ARL15: variants seen among roughly 807,000 people sequenced by gnomAD.
The protein encoded by ARL15 is ARF like GTPase 15, also known as ADP-ribosylation factor-like protein 15.
Under a neutral mutation model 25.2 loss-of-function variants are expected in ARL15, and 19 were observed. That is an observed-to-expected ratio of 0.75 (90% CI 0.53 to 1.10). The LOEUF is 1.10. ARL15 is among the 50% of genes least tolerant of loss of function. ARL15 has a pLI of 0.00. For synonymous variants in ARL15, 94 were observed against 86.8 expected (o/e 1.08, Z -0.46); for missense variants, 220 against 246.0 (o/e 0.89, Z 0.71).
chr5:53,946,455 G>GAAAAAAAAAAAAAAAAAAAAAAA (rs55727717), intron 4 of ARL15, among the ~76,000 whole-genome samples: 1 of 43,940 alleles, frequency 2.3e-5, no homozygotes, highest in Non-Finnish European at 4.0e-5. Flanking sequence ...GTCTCAAGAG[G>GAAAAAAAAAAAAAAAAAAAAAAA]AAAAAAAAAA....
chr5:54,260,105 G>A (rs1757464291), intron 1 of ARL15, among the ~76,000 whole-genome samples: 1 of 152,138 alleles, frequency 6.6e-6, no homozygotes, highest in African/African-American at 2.4e-5. Flanking sequence ...ATTTATTAAA[G>A]CACGTTAATG....
intron 4 of ARL15, among the ~76,000 whole-genome samples, chr5:54,060,788 T>C (rs1453648419): frequency 6.6e-6 from 1 of 152,202 alleles, no homozygotes; most frequent in Admixed American, 6.5e-5. Flanking sequence ...CCTAGAGATT[T>C]GTGGAACTTT....
At position 54,230,496 on chromosome 5, in the gene ARL15, T is replaced by C. The variant is rs150719553; in HGVS notation, c.49-58568A>G. Among the ~76,000 whole-genome samples, 535 of 152,218 alleles carry C rather than the reference T, an allele frequency of 3.5e-3. 2 individuals carry two copies. The highest frequency in any genetic ancestry group is 0.013 in the Admixed American group (205 of 15,290). On this transcript the variant is annotated intron_variant, in intron 1 of 4. Transcript: ENST00000504924. ...AAAGACATGCACCCAGATGCCTCAA[T>C]ACGGTCTCCTCAAATGCCATGGGAC...
At chr5:54,088,033 A>G (rs1752027862) in intron 4 of ARL15, among the ~76,000 whole-genome samples, 1 of 152,178 alleles carries the variant, frequency 6.6e-6, no homozygotes, top group Middle Eastern at 3.2e-3. Flanking sequence ...TAGCTGATTG[A>G]TTGTACAGTT....
chr5:54,240,950 A>G (rs1173933561), intron 1 of ARL15, among the ~76,000 whole-genome samples: 2 of 152,240 alleles, frequency 1.3e-5, no homozygotes, highest in Non-Finnish European at 2.9e-5. Flanking sequence ...CACGCATTTC[A>G]GATAAAAAGT....
chr5:54,199,463 C>G (rs1344458355), intron 1 of ARL15, among the ~76,000 whole-genome samples: 1 of 151,814 alleles, frequency 6.6e-6, no homozygotes, highest in Non-Finnish European at 1.5e-5. Flanking sequence ...AAAAAACAAC[C>G]CTATCAAAAA....
chr5:54,003,376 C>A (rs1042595492), intron 4 of ARL15, among the ~76,000 whole-genome samples: 1 of 152,234 alleles, frequency 6.6e-6, no homozygotes, highest in Non-Finnish European at 1.5e-5. Context: ...CAATCCCCTA[C>A]ATCCTCAAAC....
intron 4 of ARL15, among the ~76,000 whole-genome samples, chr5:54,075,073 G>GAAAAAAAAAAAAAAAAA (rs3836818): frequency 1.3e-4 from 8 of 63,910 alleles, no homozygotes; most frequent in African/African-American, 2.6e-4. Context: ...CAGAATACAG[G>GAAAAAAAAAAAAAAAAA]AAAAAAAAAA....
intron 3 of ARL15, among the ~76,000 whole-genome samples, chr5:54,132,980 C>T (rs1030347588): frequency 2.6e-5 from 4 of 152,028 alleles, no homozygotes; most frequent in African/African-American, 9.7e-5. Context: ...ATGAAAGATC[C>T]AATAACAAAG....
At chr5:54,245,445 T>C (rs1757063681) in intron 1 of ARL15, among the ~76,000 whole-genome samples, 1 of 152,184 alleles carries the variant, frequency 6.6e-6, no homozygotes, top group Non-Finnish European at 1.5e-5. Context: ...ATCTGATGTA[T>C]TAACAAAAGA....
At chr5:54,091,842 C>T (rs562209738) in intron 4 of ARL15, among the ~76,000 whole-genome samples, 2 of 152,092 alleles carry the variant, frequency 1.3e-5, no homozygotes, top group East Asian at 1.9e-4. Flanking sequence ...ATCTAGGTCA[C>T]GCCTACAACA....
intron 4 of ARL15, among the ~76,000 whole-genome samples, chr5:54,066,261 A>G (rs1054332571): frequency 1.3e-5 from 2 of 152,226 alleles, no homozygotes; most frequent in African/African-American, 4.8e-5. Context: ...AAAAGGTAGG[A>G]AAAGAATTCA....
intron 2 of ARL15, among the ~76,000 whole-genome samples, chr5:54,164,412 G>A (rs992750301): frequency 1.3e-5 from 2 of 152,006 alleles, no homozygotes; most frequent in African/African-American, 4.8e-5. Flanking sequence ...AGTCTGCTAC[G>A]TACTGGCTGA....
intron 4 of ARL15, among the ~76,000 whole-genome samples, chr5:54,100,462 A>C (rs114484416): frequency 0.014 from 2,054 of 152,066 alleles, 34 homozygotes; most frequent in Middle Eastern, 0.044. Context: ...TTCTATACTT[A>C]CCTATATGTT....
chr5:54,177,921 C>T (rs1357152050), intron 1 of ARL15, among the ~76,000 whole-genome samples: 2 of 152,212 alleles, frequency 1.3e-5, no homozygotes, highest in South Asian at 2.1e-4. Context: ...CTTTCTTCCA[C>T]TTCTTGGTCC....
intron 4 of ARL15, among the ~76,000 whole-genome samples, chr5:54,098,166 T>C (rs1392605581): frequency 1.3e-5 from 2 of 152,188 alleles, no homozygotes; most frequent in Non-Finnish European, 2.9e-5. Flanking sequence ...GATGCTCCTC[T>C]GTTTCCTGCA....
chr5:54,002,772 T>C (rs1748889287), intron 4 of ARL15, among the ~76,000 whole-genome samples: 1 of 152,166 alleles, frequency 6.6e-6, no homozygotes, highest in African/African-American at 2.4e-5. Context: ...AGTTGACAAG[T>C]TCTGTATCAC....
intron 4 of ARL15, among the ~76,000 whole-genome samples, chr5:53,912,830 A>T (rs746941867): frequency 9.9e-5 from 15 of 152,248 alleles, no homozygotes; most frequent in Admixed American, 2.0e-4. Flanking sequence ...TCTAGAGACT[A>T]AAGATAGAGC....
intron 4 of ARL15, chr5:54,067,096 G>A (rs1751261147): frequency 6.6e-6 from 1 of 152,586 alleles, no homozygotes; most frequent in Admixed American, 6.5e-5. Flanking sequence ...CATCTAACAG[G>A]AAATTGGCAC....
Sources: allele counts gnomAD v4.1 joint callset (sites outside exome capture counted in the v4.1 genomes callset), GRCh38; gene constraint gnomAD v4.1.1; transcripts MANE v1.5; gene names NCBI Gene and HGNC (gene_info 2026-07-23, HGNC 2026-07-21).